Variants in LPIN1 observed in about 807,000 individuals in gnomAD.
LPIN1 encodes the protein phosphatidate phosphatase LPIN1.
In LPIN1, 71 loss-of-function variants were observed where a neutral mutation model predicts 107.5. That is an observed-to-expected ratio of 0.66 (90% confidence interval 0.55 to 0.80). LPIN1 has a LOEUF of 0.80. LPIN1 is among the 30% of genes least tolerant of loss of function. LPIN1 has a pLI of 0.00. For synonymous variants in LPIN1, 445 were observed against 452.6 expected, an observed-to-expected ratio of 0.98 and a Z score of 0.21; for missense variants, 1,043 against 1,160.6, an observed-to-expected ratio of 0.90 and a Z score of 1.47.
In LPIN1 at chr2:11,702,101, G is replaced by A. The variant is rs1479528309; in HGVS notation, c.82-11655G>A. Among the ~76,000 whole-genome samples the A allele has an allele frequency of 3.9e-5, 6 of 152,270 alleles. No individual in the cohort carries two copies. In the South Asian group the frequency reaches 1.0e-3, roughly 26 times the overall value. On this transcript the variant is annotated intron_variant, in intron 1 of 21. Transcript: ENST00000449576. ...ACTTTCACGAAGGAGGAAGTTTGTGGTGCTCACGGGTCCCTAAAGACAGGA... is the reference window on the plus strand; with the variant it reads ...ACTTTCACGAAGGAGGAAGTTTGTGATGCTCACGGGTCCCTAAAGACAGGA...
intron 12 of LPIN1, among the ~76,000 whole-genome samples, chr2:11,790,716 C>T (rs543249328): frequency 2.4e-4 from 36 of 152,300 alleles, no homozygotes; most frequent in African/African-American, 6.3e-4. Context: ...CCCTCTGTTA[C>T]GTGTCTCTGT....
At position 11,803,107 on chromosome 2, in the gene LPIN1, G is replaced by C. The variant is rs1477837237; in HGVS notation, c.2013+74G>C. 6.3e-7 allele frequency: 1 copy of C among 1,595,944 alleles called. No individual in the cohort carries two copies. The highest frequency in any genetic ancestry group is 8.5e-7 in the Non-Finnish European group (1 of 1,169,594). On this transcript the variant is annotated intron_variant, in intron 15 of 20. Transcript: ENST00000674199. This position sits in a 1 kb window ranked among gnomAD's most constrained non-coding sequence, Gnocchi z 4.2. ...CTGCAGACTCCTAAGGCTGTGTGAT[G>C]GTTGGGATGTGCCCGTTACTTGTCA... is the stretch of plus-strand genomic sequence containing the variant.
At chr2:11,703,757 C>A (rs4669774) in intron 1 of LPIN1, among the ~76,000 whole-genome samples, 3 of 151,994 alleles carry the variant, frequency 2.0e-5, no homozygotes, top group Admixed American at 6.5e-5. Context: ...CTCCTCCCCC[C>A]ACATACATGT....
In LPIN1 at chr2:11,803,986, A is replaced by T. The variant is rs1042336386; in HGVS notation, c.2014-437A>T. Among the ~76,000 whole-genome samples the T allele has an allele frequency of 2.2e-4, 33 of 152,146 alleles. No homozygotes were observed. Among genetic ancestry groups the T allele is most frequent in the African/African-American group, 7.7e-4 (32 of 41,416 alleles). On this transcript the variant is annotated intron_variant, in intron 15 of 20. Coordinates refer to ENST00000674199, the MANE Select transcript of LPIN1 (RefSeq NM_001349206.2). This position sits in a 1 kb window ranked among gnomAD's most constrained non-coding sequence, Gnocchi z 4.2. The stretch of plus-strand genomic sequence containing the variant: ...AATTTAAAAACATGGTTATTTAGGG[A>T]AATGTATTTTCACACTTGGCTTAAA...
At chr2:11,804,997 T>TTTA in intron 16 of LPIN1, 73 bp from the exon 17 acceptor site, 1 of 903,216 alleles carries the variant, frequency 1.1e-6, no homozygotes, top group Non-Finnish European at 1.8e-6. Context: ...TTTTTTTTTT[T>TTTA]TATGAGGCAT....
At chr2:11,735,220 A>G (rs1255466571) in intron 1 of LPIN1, among the ~76,000 whole-genome samples, 1 of 151,066 alleles carries the variant, frequency 6.6e-6, no homozygotes, top group Non-Finnish European at 1.5e-5. Flanking sequence ...TGAGCCTGGG[A>G]GGCAGAGGTT....
intron 2 of LPIN1, chr2:11,741,518 C>T: frequency 9.4e-7 from 1 of 1,065,692 alleles, no homozygotes; most frequent in Non-Finnish European, 1.4e-6. Context: ...AGGAAAAGAA[C>T]TGCGTAAATT....
chr2:11,756,360 A>G (rs1572601713), intron 1 of LPIN1, among the ~76,000 whole-genome samples: 2 of 152,206 alleles, frequency 1.3e-5, no homozygotes, highest in South Asian at 4.1e-4. Context: ...GGCGTGGACT[A>G]AAATAATTCA....
intron 2 of LPIN1, chr2:11,767,475 TA>T: frequency 2.5e-6 from 1 of 396,350 alleles, no homozygotes; most frequent in Non-Finnish European, 4.7e-6. Context: ...TTTTTGCCAT[TA>T]TTTTTAATAA....
chr2:11,814,156 G>A (rs537664092), intron 17 of LPIN1, among the ~76,000 whole-genome samples: 3 of 152,124 alleles, frequency 2.0e-5, no homozygotes, highest in Non-Finnish European at 4.4e-5. Context: ...TCTGGGAAGC[G>A]GTGGCTGCTG....
intron 6 of LPIN1, chr2:11,777,635 C>T (rs1490202927): frequency 2.0e-5 from 3 of 152,190 alleles, no homozygotes; most frequent in Non-Finnish European, 4.4e-5. Flanking sequence ...CACACCACCA[C>T]AGCAGCGAGT....
intron 20 of LPIN1, 131 bp from the exon 21 acceptor site, chr2:11,824,501 A>C: frequency 2.5e-6 from 2 of 815,218 alleles, no homozygotes; most frequent in Non-Finnish European, 2.1e-6. Context: ...TTATTCTAGA[A>C]TGACTTGAGT....
At chr2:11,812,826 A>G (rs1679910184) in intron 17 of LPIN1, among the ~76,000 whole-genome samples, 1 of 152,196 alleles carries the variant, frequency 6.6e-6, no homozygotes, top group African/African-American at 2.4e-5. Flanking sequence ...GAGTCGGGAT[A>G]GCAGCAGGGA....
At chr2:11,725,255 C>T (rs1235582318) in intron 1 of LPIN1, among the ~76,000 whole-genome samples, 1 of 143,686 alleles carries the variant, frequency 7.0e-6, no homozygotes, top group Non-Finnish European at 1.5e-5. Context: ...AGCGAGACTC[C>T]GTCTCAAAAA....
intron 1 of LPIN1, among the ~76,000 whole-genome samples, chr2:11,699,439 G>T (rs543212368): frequency 2.9e-4 from 44 of 151,398 alleles, no homozygotes; most frequent in African/African-American, 9.7e-4. Flanking sequence ...TGGAGTCCCT[G>T]GGGGGGGCGT....
At chr2:11,800,643 C>G (rs1181316578) in intron 14 of LPIN1, among the ~76,000 whole-genome samples, 1 of 152,006 alleles carries the variant, frequency 6.6e-6, no homozygotes, top group Non-Finnish European at 1.5e-5. Context: ...TAAATGAACA[C>G]TTATGGGGTC....
intron 1 of LPIN1, among the ~76,000 whole-genome samples, chr2:11,699,680 G>A (rs1274661039): frequency 6.6e-6 from 1 of 152,104 alleles, no homozygotes; most frequent in Non-Finnish European, 1.5e-5. Flanking sequence ...ATTCACCATC[G>A]GACGAAGGGT....
intron 1 of LPIN1, among the ~76,000 whole-genome samples, chr2:11,733,525 G>T (rs1259221855): frequency 4.2e-5 from 6 of 143,302 alleles, no homozygotes; most frequent in African/African-American, 1.1e-4. Flanking sequence ...ACAAAGTCTT[G>T]GTTTTGCCCA....
Position 11,788,453 on chromosome 2 carries a change from A to G in LPIN1, c.1710A>G (p.Pro570=). 6.2e-7 allele frequency: 1 copy of G among 1,612,954 alleles called. No individual in the cohort carries two copies. Among genetic ancestry groups the G allele is most frequent in the Non-Finnish European group, 8.5e-7 (1 of 1,178,880 alleles). The change falls in exon 12 of 21, where the codon CCA becomes CCG. Residue 570 remains proline, a synonymous_variant. Coordinates refer to ENST00000674199, the MANE Select transcript of LPIN1 (RefSeq NM_001349206.2). ...TGCAGGCCTTCCAGAAACCTTTGCC[A>G]AAGGTGAGCTTTAACATGAGAAAGA... ...LAMQAFQKPL[P]KATVESIMRD...
Sources: gnomAD v4.1 joint callset for allele counts (sites outside exome capture counted in the v4.1 genomes callset) on GRCh38, gnomAD v4.1.1 for gene constraint, Gnocchi (gnomAD v3.1) non-coding constraint, MANE v1.5 for transcripts, NCBI Gene and HGNC (gene_info 2026-07-23, HGNC 2026-07-21) for gene names.